PCDH15: variants seen among roughly 807,000 people sequenced by gnomAD.
The protein encoded by PCDH15 is protocadherin-15.
In PCDH15, 129 loss-of-function variants were observed where a neutral mutation model predicts 178.5. The observed-to-expected ratio is 0.72, with a 90% CI of 0.63 to 0.84. The LOEUF (loss-of-function observed/expected upper bound fraction) is 0.84. Ranked by LOEUF, PCDH15 falls within the 40% of genes least tolerant of loss-of-function variation. The pLI is 0.00. For missense variants in PCDH15, 2,230 were observed against 2,099.9 expected (o/e 1.06, Z -1.21); for synonymous variants, 800 against 732.0 (o/e 1.09, Z -1.50).
chr10:53,930,457 CAAAAAAAAAAAAAAAAA>C (rs60673116), intron 25 of PCDH15, among the ~76,000 whole-genome samples: 1 of 50,332 alleles, frequency 2.0e-5, no homozygotes, highest in Non-Finnish European at 3.3e-5. Flanking sequence ...GACTCCCTCT[CAAAAAAAAAAAAAAAAA>C]AAAAAAAAAA....
intron 2 of PCDH15, among the ~76,000 whole-genome samples, chr10:55,470,844 T>TA (rs1187834879): frequency 7.2e-5 from 11 of 152,104 alleles, no homozygotes; most frequent in African/African-American, 2.4e-4. Context: ...AACTCTGATT[T>TA]TTTTTTTTTT....
Position 53,845,091 on chromosome 10 carries a change from A to G in PCDH15, c.3807-4595T>C, listed in dbSNP as rs1189297151. Among the ~76,000 whole-genome samples, 4 of 152,104 alleles carry G rather than the reference A, an allele frequency of 2.6e-5. No homozygotes were observed. The South Asian group carries it at 6.2e-4, about 24-fold the overall frequency. The stretch of plus-strand genomic sequence containing the variant: ...ATAGACAATTCTCAAAAGAAGATAT[A>G]CAAAGAGTCAATAGGCATATGAAAA... On this transcript the variant is annotated intron_variant, in intron 28 of 37. Transcript: ENST00000644397.
At chr10:54,569,855 G>A (rs1201805075) in intron 2 of PCDH15, among the ~76,000 whole-genome samples, 10 of 152,056 alleles carry the variant, frequency 6.6e-5, no homozygotes, top group South Asian at 2.1e-4. Flanking sequence ...AAATCTTGCC[G>A]CAAGATTTCT....
chr10:54,201,913 A>T (rs1409088076), intron 10 of PCDH15, among the ~76,000 whole-genome samples: 2 of 152,196 alleles, frequency 1.3e-5, no homozygotes, highest in African/African-American at 4.8e-5. Flanking sequence ...TGCCAGTCTT[A>T]TGAATGGGCC....
intron 2 of PCDH15, among the ~76,000 whole-genome samples, chr10:54,563,401 G>C (rs988506463): frequency 6.6e-6 from 1 of 151,950 alleles, no homozygotes; most frequent in Non-Finnish European, 1.5e-5. Flanking sequence ...AATTGCCTAA[G>C]TATCTGGACT....
chr10:54,660,985 A>G (rs2094481719), intron 2 of PCDH15, among the ~76,000 whole-genome samples: 2 of 152,106 alleles, frequency 1.3e-5, no homozygotes, highest in South Asian at 4.1e-4. Context: ...GCCGTCTATG[A>G]CAAACCCACA....
At chr10:54,062,237 A>C (rs958503878) in intron 18 of PCDH15, among the ~76,000 whole-genome samples, 1 of 95,998 alleles carries the variant, frequency 1.0e-5, no homozygotes. Context: ...CAAAAAAAAA[A>C]AAAAAAAAAA....
chr10:54,501,326 A>T (rs1054279823), intron 3 of PCDH15, among the ~76,000 whole-genome samples: 1 of 152,140 alleles, frequency 6.6e-6, no homozygotes, highest in African/African-American at 2.4e-5. Flanking sequence ...GGAATAAAAA[A>T]GATTTGAGAA....
At chr10:54,417,314 T>A (rs1412688160) in intron 3 of PCDH15, among the ~76,000 whole-genome samples, 1 of 152,204 alleles carries the variant, frequency 6.6e-6, no homozygotes, top group Non-Finnish European at 1.5e-5. Flanking sequence ...GGAATTTTTT[T>A]TAAATACTGG....
chr10:54,390,106 C>T (rs573081190), intron 3 of PCDH15, among the ~76,000 whole-genome samples: 1 of 152,134 alleles, frequency 6.6e-6, no homozygotes, highest in African/African-American at 2.4e-5. Flanking sequence ...AGACTATTAA[C>T]GCCACTTTTC....
At chr10:54,467,621 T>G (rs1185016048) in intron 3 of PCDH15, among the ~76,000 whole-genome samples, 4 of 148,242 alleles carry the variant, frequency 2.7e-5, no homozygotes, top group Non-Finnish European at 4.5e-5. Flanking sequence ...TTTTTTTTTT[T>G]TTTTTGGTTA....
chr10:54,861,474 A>G (rs1420283096), intron 3 of PCDH15, among the ~76,000 whole-genome samples: 5 of 152,206 alleles, frequency 3.3e-5, no homozygotes, highest in African/African-American at 1.2e-4. Context: ...AATCTGTAAC[A>G]AAAGATTTCC....
intron 15 of PCDH15, among the ~76,000 whole-genome samples, chr10:54,116,471 A>T (rs1241474086): frequency 6.6e-6 from 1 of 152,232 alleles, no homozygotes. Context: ...CAATTGCAAG[A>T]TATAATGGCA....
intron 26 of PCDH15, among the ~76,000 whole-genome samples, chr10:53,875,016 TCA>T (rs1256256716): frequency 3.9e-5 from 6 of 152,038 alleles, no homozygotes; most frequent in Non-Finnish European, 7.4e-5. Flanking sequence ...ACAGAATGTT[TCA>T]CAGAGCTACG....
In PCDH15 at chr10:54,346,551, C is replaced by A; in HGVS notation, c.475-67G>T. The A allele has an allele frequency of 7.0e-6, 11 of 1,578,320 alleles. No individual in the cohort carries two copies. The South Asian group carries it at 1.0e-4, about 14-fold the overall frequency. ...CAACTGCACACCAGAAATGTTACAG[C>A]ATAAAAATCAGCTCTTTATTACCTA... On this transcript the variant is annotated intron_variant, in intron 5 of 37. Transcript: ENST00000644397.
chr10:54,998,000 A>G (rs552703170), intron 2 of PCDH15, among the ~76,000 whole-genome samples: 1 of 152,246 alleles, frequency 6.6e-6, no homozygotes, highest in South Asian at 2.1e-4. Context: ...GAAGTTCAGG[A>G]TTTCTTGCTT....
chr10:54,448,748 T>G (rs888585543), intron 3 of PCDH15, among the ~76,000 whole-genome samples: 2 of 151,926 alleles, frequency 1.3e-5, no homozygotes, highest in East Asian at 1.9e-4. Flanking sequence ...AATCTTTTCA[T>G]GTACTCTTAA....
intron 25 of PCDH15, among the ~76,000 whole-genome samples, chr10:53,932,815 AG>A (rs1256370688): frequency 1.3e-5 from 2 of 152,136 alleles, no homozygotes; most frequent in Non-Finnish European, 2.9e-5. Flanking sequence ...GAGTATTGCT[AG>A]GGAAGAAGGT....
intron 2 of PCDH15, among the ~76,000 whole-genome samples, chr10:55,559,261 AT>A (rs1408629156): frequency 6.6e-6 from 1 of 152,066 alleles, no homozygotes; most frequent in Non-Finnish European, 1.5e-5. Flanking sequence ...ATAATAAAAA[AT>A]ATCATATAGT....
Sources: gnomAD v4.1 joint callset for allele counts (sites outside exome capture counted in the v4.1 genomes callset) on GRCh38, gnomAD v4.1.1 for gene constraint, MANE v1.5 for transcripts, NCBI Gene and HGNC (gene_info 2026-07-23, HGNC 2026-07-21) for gene names.